Variants in NCOR1 observed in about 807,000 individuals in gnomAD.
NCOR1 encodes protein phosphatase 1, regulatory subunit 109.
NCOR1 carries 63 observed loss-of-function variants against 288.1 expected under a neutral mutation model. The observed-to-expected ratio is 0.22, with a 90% CI of 0.18 to 0.27. NCOR1 has a LOEUF of 0.27. NCOR1 is among the 10% of genes least tolerant of loss of function. The pLI is 1.00. For missense variants in NCOR1, 2,397 were observed against 3,019.2 expected (o/e 0.79, Z 4.83); for synonymous variants, 1,007 against 1,065.9 (o/e 0.94, Z 1.08).
At chr17:16,209,826 C>A (rs2091947779) in intron 1 of NCOR1, among the ~76,000 whole-genome samples, 1 of 151,964 alleles carries the variant, frequency 6.6e-6, no homozygotes, top group African/African-American at 2.4e-5. Flanking sequence ...GTGGCATATG[C>A]CTGTAATCCC....
Position 16,127,282 on chromosome 17 carries a change from C to CGT in NCOR1, c.1510-1078_1510-1077dup, listed in dbSNP as rs1555686919. 3.9e-4 allele frequency among the ~76,000 whole-genome samples: 10 copies of CGT among 25,410 alleles called. 3 individuals carry two copies. The highest frequency in any genetic ancestry group is 9.2e-4 in the Non-Finnish European group (9 of 9,832). 16.7% of individuals were successfully genotyped at this position (25,410 alleles called of 152,430 possible). On this transcript the variant is annotated intron_variant, in intron 14 of 45. Coordinates refer to ENST00000268712, the MANE Select transcript of NCOR1 (RefSeq NM_006311.4). ...GTGTGTATATATGTATGTATATATA[C>CGT]GTGTATATATGTATGTATGTATATA...
In NCOR1 at chr17:16,061,571, C is replaced by T. The variant is rs779321645; in HGVS notation, c.5711G>A (p.Gly1904Glu). ...PHSSVVYSEA[G>E]KDKGPPPKSR... The stretch of plus-strand genomic sequence containing the variant: ...TTTTGGAGGAGGCCCTTTATCTTTC[C>T]CAGCCTCAGAATAAACTACTGAAGA... Residue 1904 changes from glycine to glutamate, a missense_variant, in exon 37 of 46, where the codon GGG becomes GAG. By Grantham distance (98) the Gly-to-Glu change is moderately conservative. Coordinates refer to ENST00000268712, the MANE Select transcript of NCOR1 (RefSeq NM_006311.4). 1.2e-6 allele frequency: 2 copies of T among 1,614,212 alleles called. No homozygotes were observed. Among genetic ancestry groups the T allele is most frequent in the Non-Finnish European group, 1.7e-6 (2 of 1,180,040 alleles).
intron 1 of NCOR1, among the ~76,000 whole-genome samples, chr17:16,214,219 G>A (rs1371973112): frequency 1.3e-5 from 2 of 152,070 alleles, no homozygotes; most frequent in African/African-American, 2.4e-5. Flanking sequence ...TTCATGAAAA[G>A]GTACATCAAA....
rs543604984 is a variant in NCOR1 at position 16,138,350 on chromosome 17, C to T, written c.1353-138G>A. The T allele has an allele frequency of 7.8e-4, 511 of 652,112 alleles. 7 individuals are homozygous for T. The East Asian group carries it at 0.015, about 19-fold the overall frequency. The allele number at this position is 652,112 out of a possible 1,614,324, so 40.4% of individuals were successfully genotyped here. ...CTGTAATCCCAGCACTTTGGGAGGC[C>T]GAAGAAGGTGGATCACTTGAGGTCA... On this transcript the variant is annotated intron_variant, in intron 12 of 45. Transcript: ENST00000268712.
Position 16,080,083 on chromosome 17 carries a change from A to G in NCOR1, c.3401-19T>C, listed in dbSNP as rs2063161271. 3 of 1,601,428 alleles carry G rather than the reference A, an allele frequency of 1.9e-6. No homozygotes were observed. The highest frequency in any genetic ancestry group is 2.7e-5 in the African/African-American group (2 of 74,662). ...GCGGTACCTGAATACAAACAAAGCT[A>G]TTAGCAAATTACACCCCCAGCCCCT... is the stretch of plus-strand genomic sequence containing the variant. On this transcript the variant is annotated intron_variant, in intron 25 of 45. Transcript: ENST00000268712.
At chr17:16,094,990 G>A (rs1214067026) in intron 21 of NCOR1, among the ~76,000 whole-genome samples, 5 of 151,736 alleles carry the variant, frequency 3.3e-5, no homozygotes, top group Admixed American at 6.6e-5. Context: ...CCGCCACCCC[G>A]TCTGGGAAGT....
chr17:16,195,841 C>T (rs1294375679), intron 1 of NCOR1, among the ~76,000 whole-genome samples: 1 of 152,096 alleles, frequency 6.6e-6, no homozygotes, highest in Admixed American at 6.6e-5. Flanking sequence ...CATCCTAAAA[C>T]ATGATTATCT....
At chr17:16,112,804 A>G (rs995256322) in intron 18 of NCOR1, among the ~76,000 whole-genome samples, 13 of 151,066 alleles carry the variant, frequency 8.6e-5, no homozygotes, top group Admixed American at 8.6e-4. Context: ...GCTTTTCTTT[A>G]TGGGAGAAAT....
intron 23 of NCOR1, chr17:16,084,458 C>T (rs2063898426): frequency 6.6e-6 from 1 of 152,610 alleles, no homozygotes; most frequent in Admixed American, 6.6e-5. Flanking sequence ...GGGAGACAGA[C>T]ATTGATAAGC....
intron 31 of NCOR1, 150 bp downstream of exon 31, chr17:16,070,015 T>C (rs1259341320): frequency 3.2e-6 from 3 of 942,912 alleles, no homozygotes; most frequent in Admixed American, 6.5e-5. Flanking sequence ...TTTAAATTAG[T>C]AGCCTTCCAT....
intron 5 of NCOR1, among the ~76,000 whole-genome samples, chr17:16,164,248 A>C (rs1288610599): frequency 6.6e-6 from 1 of 151,618 alleles, no homozygotes; most frequent in African/African-American, 2.4e-5. Flanking sequence ...ATCTGGAAAA[A>C]AAAAAAAAAA....
In NCOR1 at chr17:16,215,175, G is replaced by A. The variant is rs139397902; in HGVS notation, c.-71+187C>T. Among the ~76,000 whole-genome samples the A allele has an allele frequency of 5.9e-5, 9 of 152,306 alleles. 1 individual carries two copies. The East Asian group carries it at 1.7e-3, about 30-fold the overall frequency. On this transcript the variant is annotated intron_variant, in intron 1 of 45. Coordinates refer to ENST00000268712, the MANE Select transcript of NCOR1 (RefSeq NM_006311.4). ...CCAGCCCGAGCTCCCCGCCGCGCCC[G>A]GCTCTCTCCTGGGCTGCCGAGTGGA...
Position 16,194,596 on chromosome 17 carries a change from T to A in NCOR1, c.-27A>T, listed in dbSNP as rs778720691. 5 of 1,388,978 alleles carry A rather than the reference T, an allele frequency of 3.6e-6. No homozygotes were observed. Among genetic ancestry groups the A allele is most frequent in the Middle Eastern group, 1.8e-4 (1 of 5,660 alleles). 86.0% of individuals were successfully genotyped at this position (1,388,978 alleles called of 1,614,324 possible). On this transcript the variant is annotated 5_prime_UTR_variant, in exon 2 of 46. Coordinates refer to ENST00000268712, the MANE Select transcript of NCOR1 (RefSeq NM_006311.4). ...ATCAGTAAAGAAGTCCTCACCAGACTGTGAGATCAATGCCAATAAACAATC... is the reference window on the plus strand; with the variant it reads ...ATCAGTAAAGAAGTCCTCACCAGACAGTGAGATCAATGCCAATAAACAATC...
chr17:16,152,488 CT>C (rs2079036934), intron 7 of NCOR1, among the ~76,000 whole-genome samples: 1 of 152,070 alleles, frequency 6.6e-6, no homozygotes, highest in South Asian at 2.1e-4. Flanking sequence ...TGAACTCATC[CT>C]TTTTTATGGC....
At chr17:16,091,490 G>GA (rs1278852483) in intron 22 of NCOR1, 2 of 868,134 alleles carry the variant, frequency 2.3e-6, no homozygotes, top group East Asian at 1.5e-4. Flanking sequence ...ATCTACCAGA[G>GA]AATGTGAATA....
rs2083197240 is a variant in NCOR1, at chr17:16,171,846, T to A, written c.392A>T (p.His131Leu). The change falls in exon 4 of 46, where the codon CAC (histidine) becomes CTC (leucine). Residue 131 changes from histidine (H) to leucine (L), a missense_variant. Transcript: ENST00000268712. ...AGCCCTCAGCCCTTCTGGCAGCGGGTGCACTAAAGGCAAAACCGCAGCACT... is the reference window on the plus strand; with the variant it reads ...AGCCCTCAGCCCTTCTGGCAGCGGGAGCACTAAAGGCAAAACCGCAGCACT... ...RVSAAVLPLVHPLPEGLRASA... is the reference protein window; with the variant it reads ...RVSAAVLPLVLPLPEGLRASA... The A allele has an allele frequency of 6.2e-7, 1 of 1,611,392 alleles. No individual in the cohort carries two copies. The highest frequency in any genetic ancestry group is 8.5e-7 in the Non-Finnish European group (1 of 1,178,984).
At chr17:16,054,070 T>TAAA (rs752015595) in intron 40 of NCOR1, among the ~76,000 whole-genome samples, 19 of 72,112 alleles carry the variant, frequency 2.6e-4, no homozygotes, top group East Asian at 1.8e-3. Flanking sequence ...GACTTAAATG[T>TAAA]AAAAAAAAAA....
intron 1 of NCOR1, among the ~76,000 whole-genome samples, chr17:16,206,811 A>G (rs1032708328): frequency 1.3e-4 from 20 of 152,354 alleles, no homozygotes; most frequent in Middle Eastern, 3.4e-3. Context: ...TTATGATCCC[A>G]TAATATAGAA....
chr17:16,060,838 A>G (rs1039117989), intron 37 of NCOR1, among the ~76,000 whole-genome samples: 7 of 152,248 alleles, frequency 4.6e-5, no homozygotes, highest in African/African-American at 1.7e-4. Flanking sequence ...GAAAATTTAA[A>G]AAGTAACTTT....
Sources: gnomAD v4.1 joint callset for allele counts (sites outside exome capture counted in the v4.1 genomes callset) on GRCh38, gnomAD v4.1.1 for gene constraint, MANE v1.5 for transcripts, NCBI Gene and HGNC (gene_info 2026-07-23, HGNC 2026-07-21) for gene names.